PRG4: variants seen among roughly 807,000 people sequenced by gnomAD.
PRG4 encodes the protein articular superficial zone protein.
PRG4 carries 61 observed loss-of-function variants against 91.2 expected under a neutral mutation model. The observed-to-expected ratio is 0.67, with a 90% CI of 0.54 to 0.83. The LOEUF (loss-of-function observed/expected upper bound fraction) is 0.83. PRG4 is among the 40% of genes least tolerant of loss of function. PRG4 has a pLI of 0.00. For missense variants in PRG4, 1,564 were observed against 1,714.2 expected (o/e 0.91, Z 1.55); for synonymous variants, 576 against 614.2 (o/e 0.94, Z 0.92).
chr1:186,298,572 C>A (rs1655999468), intron 2 of PRG4, among the ~76,000 whole-genome samples: 1 of 151,764 alleles, frequency 6.6e-6, no homozygotes, highest in South Asian at 2.1e-4. Context: ...CTCACTGCAA[C>A]CTCCACCTAC....
At chr1:186,297,228 C>A (rs1655916695) in intron 2 of PRG4, among the ~76,000 whole-genome samples, 1 of 152,028 alleles carries the variant, frequency 6.6e-6, no homozygotes, top group Non-Finnish European at 1.5e-5. Flanking sequence ...GCAGACAGTT[C>A]ATCATAAAAT....
At chr1:186,302,839 A>G (rs1656308955) in intron 4 of PRG4, among the ~76,000 whole-genome samples, 2 of 152,220 alleles carry the variant, frequency 1.3e-5, no homozygotes, top group African/African-American at 2.4e-5. Flanking sequence ...GAAGATGGTT[A>G]GAAAGTGATG....
rs766609220 is a variant in PRG4 at position 186,304,869 on chromosome 1, T to C, written c.545T>C (p.Ile182Thr). Residue 182 changes from isoleucine to threonine, a missense_variant, in exon 6 of 13, where the codon ATC (isoleucine) becomes ACC (threonine). This residue lies in a region of PRG4 where 437 missense variants were observed against 459.0 expected (regional missense o/e 0.95). Coordinates refer to ENST00000445192, the MANE Select transcript of PRG4 (RefSeq NM_005807.6). ...SSSSSSTIRK[I>T]KSSKNSAANR... ...TCTTCTTCTTCAACAATTCGGAAAA[T>C]CAAGTCTTCCAAAAATTCAGCTGCT... is the stretch of plus-strand genomic sequence containing the variant. 8.4e-5 allele frequency: 136 copies of C among 1,613,214 alleles called. No individual in the cohort carries two copies. The highest frequency in any genetic ancestry group is 9.8e-5 in the Non-Finnish European group (116 of 1,179,466).
intron 12 of PRG4, chr1:186,313,480 T>C: frequency 1.9e-6 from 1 of 525,950 alleles, no homozygotes; most frequent in Non-Finnish European, 3.4e-6. Context: ...GATGGTGAAA[T>C]GTCAATCTTT....
chr1:186,304,519 C>G (rs1571558641), intron 5 of PRG4, among the ~76,000 whole-genome samples: 1 of 152,250 alleles, frequency 6.6e-6, no homozygotes, highest in East Asian at 1.9e-4. Flanking sequence ...AAAACAAAAA[C>G]CACCCCATGA....
Position 186,311,545 on chromosome 1 carries a change from T to C in PRG4, c.3742T>C (p.Ser1248Pro). ...GLTGQIVAAL[S>P]TAKYKNWPES... The stretch of plus-strand genomic sequence containing the variant: ...AACTGGACAAATAGTGGCAGCGCTT[T>C]CAACAGCTAAATATAAGAACTGGCC... The change falls in exon 10 of 13, where the codon TCA becomes CCA. Residue 1248 changes from serine to proline, a missense_variant. Transcript: ENST00000445192. The C allele has an allele frequency of 6.2e-7, 1 of 1,614,110 alleles. No individual in the cohort carries two copies. The highest frequency in any genetic ancestry group is 1.7e-5 in the Admixed American group (1 of 60,028).
chr1:186,308,754 C>T lies in PRG4; in HGVS notation c.3035C>T (p.Thr1012Ile). 6.2e-7 allele frequency: 1 copy of T among 1,613,884 alleles called. No homozygotes were observed. Among genetic ancestry groups the T allele is most frequent in the Non-Finnish European group, 8.5e-7 (1 of 1,180,010 alleles). ...EETAKPKDRA[T>I]NSKATTPKPQ... ...ACAGCTAAACCAAAAGACAGAGCTACTAATTCTAAAGCGACAACTCCTAAA... is the reference window on the plus strand; with the variant it reads ...ACAGCTAAACCAAAAGACAGAGCTATTAATTCTAAAGCGACAACTCCTAAA... The change falls in exon 7 of 13, where the codon ACT becomes ATT. Residue 1012 changes from threonine to isoleucine, a missense_variant. Thr to Ile is a moderately conservative substitution (Grantham distance 89). Transcript: ENST00000445192.
At chr1:186,298,051 T>A (rs1655968438) in intron 2 of PRG4, among the ~76,000 whole-genome samples, 1 of 152,240 alleles carries the variant, frequency 6.6e-6, no homozygotes, top group Admixed American at 6.5e-5. Context: ...TAAAACAGTG[T>A]TACTTTCATT....
chr1:186,309,147 A>G lies in PRG4; in HGVS notation c.3421+7A>G, dbSNP rs1470146658. ...ATCAATCCCATGCTTTCCGGTATTA[A>G]GAATCAGTTATTTTCATTTTTAAAG... On this transcript the variant is annotated splice_region_variant and intron_variant, in intron 7 of 12. Transcript: ENST00000445192. 3.7e-6 allele frequency: 6 copies of G among 1,606,840 alleles called. No homozygotes were observed. The Admixed American group carries it at 5.0e-5, about 13-fold the overall frequency.
chr1:186,306,416 G>A lies in PRG4; in HGVS notation c.697G>A (p.Val233Ile), dbSNP rs767333524. 16 of 1,613,296 alleles carry A rather than the reference G, an allele frequency of 9.9e-6. No individual in the cohort carries two copies. The highest frequency in any genetic ancestry group is 1.3e-5 in the Non-Finnish European group (15 of 1,179,562). The change falls in exon 7 of 13, where the codon GTC (valine) becomes ATC (isoleucine). Residue 233 changes from valine (V) to isoleucine (I), a missense_variant. Coordinates refer to ENST00000445192, the MANE Select transcript of PRG4 (RefSeq NM_005807.6). ...TGGATTGGACAATGGTGACTTCAAG[G>A]TCACAACTCCTGACACGTCTACCAC... ...GSGLDNGDFK[V>I]TTPDTSTTQH... is the part of the protein sequence containing the mutation.
rs772171567 is a variant in PRG4 at position 186,307,615 on chromosome 1, C to G, written c.1896C>G (p.Leu632=). Reference sequence around the variant, plus strand: ...TCACGCCCACCACCCCCGAGAAGCTCGCACCCACCACCCCTGAGAAGCCCG... The same window carrying G: ...TCACGCCCACCACCCCCGAGAAGCTGGCACCCACCACCCCTGAGAAGCCCG... The part of the protein sequence containing the change: ...KKLTPTTPEK[L]APTTPEKPAP... Residue 632 remains leucine, a synonymous_variant, in exon 7 of 13, where the codon CTC becomes CTG. Coordinates refer to ENST00000445192, the MANE Select transcript of PRG4 (RefSeq NM_005807.6). 2 of 1,365,020 alleles carry G rather than the reference C, an allele frequency of 1.5e-6. No homozygotes were observed. Among genetic ancestry groups the G allele is most frequent in the Non-Finnish European group, 1.9e-6 (2 of 1,033,920 alleles). 84.6% of individuals were successfully genotyped at this position (1,365,020 alleles called of 1,614,324 possible).
intron 10 of PRG4, chr1:186,311,861 C>A: frequency 1.8e-6 from 1 of 564,578 alleles, no homozygotes; most frequent in Non-Finnish European, 3.1e-6. Flanking sequence ...GCATGTCATC[C>A]TTGCACAAGG....
intron 12 of PRG4, chr1:186,313,473 G>C (rs1364550313): frequency 1.9e-6 from 1 of 516,550 alleles, no homozygotes; most frequent in Non-Finnish European, 3.4e-6. Flanking sequence ...ACAAAAAGAT[G>C]GTGAAATGTC....
rs965558589 is a variant in PRG4 at position 186,313,912 on chromosome 1, T to C, written c.*134T>C. On this transcript the variant is annotated 3_prime_UTR_variant, in exon 13 of 13. Coordinates refer to ENST00000445192, the MANE Select transcript of PRG4 (RefSeq NM_005807.6). Reference sequence around the variant, plus strand: ...ATAAAAATGTTTTTAAACTTGACAATCATTACACTAAAACAGATTTGATAA... The same window carrying C: ...ATAAAAATGTTTTTAAACTTGACAACCATTACACTAAAACAGATTTGATAA... The C allele has an allele frequency of 2.4e-5, 37 of 1,568,754 alleles. No individual in the cohort carries two copies. In the Admixed American group the frequency reaches 3.7e-4, roughly 16 times the overall value.
intron 10 of PRG4, chr1:186,311,973 T>C: frequency 1.7e-6 from 1 of 573,990 alleles, no homozygotes; most frequent in Non-Finnish European, 3.0e-6. Flanking sequence ...TGTAATTTGC[T>C]GCATCTATTC....
rs753505803 is a variant in PRG4, at chr1:186,307,698, C to A, written c.1979C>A (p.Thr660Asn). Residue 660 changes from threonine to asparagine, a missense_variant, in exon 7 of 13, where the codon ACC becomes AAC. Coordinates refer to ENST00000445192, the MANE Select transcript of PRG4 (RefSeq NM_005807.6). Reference protein sequence around the residue: ...PTTPEEPTPTTPEEPAPTTPK... With the variant: ...PTTPEEPTPTNPEEPAPTTPK... ...ACCCCTGAGGAGCCCACACCCACCA[C>A]CCCTGAGGAGCCTGCTCCCACCACT... 58 of 1,610,496 alleles carry A rather than the reference C, an allele frequency of 3.6e-5. 2 individuals are homozygous for A. The Middle Eastern group carries it at 1.3e-3, about 35-fold the overall frequency.
At position 186,312,217 on chromosome 1, in the gene PRG4, A is replaced by T; in HGVS notation, c.3836A>T (p.Gln1279Leu). 1 of 1,614,096 alleles carries T rather than the reference A, an allele frequency of 6.2e-7. No homozygotes were observed. The highest frequency in any genetic ancestry group is 8.5e-7 in the Non-Finnish European group (1 of 1,179,946). Residue 1279 changes from glutamine to leucine, a missense_variant, in exon 11 of 13, where the codon CAG becomes CTG. This residue lies in a region of PRG4 where 1,079 missense variants were observed against 1,162.2 expected (regional missense o/e 0.93). Coordinates refer to ENST00000445192, the MANE Select transcript of PRG4 (RefSeq NM_005807.6). ...TATATTTATAAACAGGAACCTGTAC[A>T]GAAGTGCCCTGGAAGAAGGCCTGCT... The part of the protein sequence containing the change: ...QQYIYKQEPV[Q>L]KCPGRRPALN...
In PRG4 at chr1:186,313,685, A is replaced by G; in HGVS notation, c.4122A>G (p.Gln1374=). 6.3e-7 allele frequency: 1 copy of G among 1,588,222 alleles called. No individual in the cohort carries two copies. The highest frequency in any genetic ancestry group is 2.2e-5 in the East Asian group (1 of 44,648). ...GYDYYAFSKD[Q]YYNIDVPSRT... is the part of the protein sequence containing the mutation. ...AATGTTTTCTCTTCCATTTAGATCA[A>G]TACTATAACATTGATGTGCCTAGTA... is the stretch of plus-strand genomic sequence containing the variant. The change falls in exon 13 of 13, where the codon CAA becomes CAG. Residue 1374 remains glutamine (Q), a synonymous_variant. Transcript: ENST00000445192.
intron 10 of PRG4, 37 bp from the exon 11 acceptor site, chr1:186,312,138 A>C (rs865966866): frequency 1.3e-6 from 2 of 1,587,680 alleles, no homozygotes; most frequent in African/African-American, 1.3e-5. Flanking sequence ...ATTAAAATTA[A>C]TTTTCATTTT....
Sources: gnomAD v4.1 joint callset for allele counts (sites outside exome capture counted in the v4.1 genomes callset) on GRCh38, gnomAD v4.1.1 for gene constraint, gnomAD v4.1.1 regional missense constraint, MANE v1.5 for transcripts, NCBI Gene and HGNC (gene_info 2026-07-23, HGNC 2026-07-21) for gene names.